PPP1R1C: variants seen among roughly 807,000 people sequenced by gnomAD.
PPP1R1C encodes protein phosphatase 1 regulatory inhibitor subunit 1C.
PPP1R1C carries 15 observed loss-of-function variants against 17.4 expected under a neutral mutation model. The ratio of observed to expected loss-of-function variants is 0.86; its 90% confidence interval spans 0.58 to 1.33. The LOEUF (loss-of-function observed/expected upper bound fraction) is 1.33, where lower values mean the gene tolerates loss of function less well. Ranked by LOEUF, PPP1R1C falls within the 40% of genes most tolerant of loss-of-function variation. PPP1R1C has a pLI of 0.00. For missense variants in PPP1R1C, 143 were observed against 130.0 expected, an observed-to-expected ratio of 1.10 and a Z score of -0.48; for synonymous variants, 35 against 43.1, an observed-to-expected ratio of 0.81 and a Z score of 0.73.
chr2:181,978,064 G>GA (rs1225462855), intron 2 of PPP1R1C, among the ~76,000 whole-genome samples: 2 of 152,198 alleles, frequency 1.3e-5, no homozygotes, highest in African/African-American at 2.4e-5. Context: ...GGAAGACAAA[G>GA]AAAGAACAAA....
At chr2:181,983,011 T>C (rs1186180104), upstream of PPP1R1C, among the ~76,000 whole-genome samples, 1 of 152,204 alleles carries the variant, frequency 6.6e-6, no homozygotes, top group African/African-American at 2.4e-5. Flanking sequence ...CTCCTTTCTA[T>C]ATTGATATCT....
At chr2:181,983,377 T>A, upstream of PPP1R1C, among the ~76,000 whole-genome samples, 1 of 152,186 alleles carries the variant, frequency 6.6e-6, no homozygotes, top group Non-Finnish European at 1.5e-5. Flanking sequence ...CCTCAAACAG[T>A]TGTCGGAATA....
At chr2:182,013,973 A>G (rs935199029) in intron 2 of PPP1R1C, among the ~76,000 whole-genome samples, 3 of 152,224 alleles carry the variant, frequency 2.0e-5, no homozygotes, top group African/African-American at 7.2e-5. Context: ...GCTTGCTCAA[A>G]ACAACTATTT....
intron 4 of PPP1R1C, among the ~76,000 whole-genome samples, chr2:182,099,277 G>T (rs1034083692): frequency 1.3e-5 from 2 of 152,196 alleles, no homozygotes; most frequent in African/African-American, 4.8e-5. Context: ...AAATTGAAAA[G>T]TGCTTTAGGA....
intron 2 of PPP1R1C, among the ~76,000 whole-genome samples, chr2:182,020,313 T>G (rs986700664): frequency 1.3e-5 from 2 of 152,210 alleles, no homozygotes; most frequent in African/African-American, 2.4e-5. Context: ...AGTAATATCT[T>G]AGATAAAATA....
At chr2:182,017,407 A>G (rs1434442876) in intron 2 of PPP1R1C, among the ~76,000 whole-genome samples, 1 of 152,072 alleles carries the variant, frequency 6.6e-6, no homozygotes, top group Non-Finnish European at 1.5e-5. Flanking sequence ...TCTAATTTTT[A>G]TATAACTTAC....
At position 181,962,422 on chromosome 2, in the gene PPP1R1C, G is replaced by C; in HGVS notation, n.111+7788G>C. 1.4e-6 allele frequency: 1 copy of C among 713,820 alleles called. No individual in the cohort carries two copies. The highest frequency in any genetic ancestry group is 2.6e-6 in the Non-Finnish European group (1 of 389,872). The allele number at this position is 713,820 out of a possible 1,614,324, so 44.2% of individuals were successfully genotyped here. A position where few individuals can be genotyped will look rare whatever the true frequency, so the allele number is the denominator to read the frequency against. Reference sequence around the variant, plus strand: ...GCCGGGCGCCGTAGTTGGACACCTGGACAGAGCCCAGGAACAGGTAGTTGG... The same window carrying C: ...GCCGGGCGCCGTAGTTGGACACCTGCACAGAGCCCAGGAACAGGTAGTTGG... On this transcript the variant is annotated intron_variant and non_coding_transcript_variant, in intron 1 of 5. Transcript: ENST00000464264. This position sits in a 1 kb window ranked among gnomAD's most constrained non-coding sequence, Gnocchi z 6.0.
At chr2:182,032,699 C>T (rs1686882461) in intron 2 of PPP1R1C, among the ~76,000 whole-genome samples, 2 of 152,070 alleles carry the variant, frequency 1.3e-5, no homozygotes, top group African/African-American at 2.4e-5. Flanking sequence ...TGTGAGCTGC[C>T]CTGGATTATA....
intron 1 of PPP1R1C, among the ~76,000 whole-genome samples, chr2:181,958,094 A>G (rs750339536): frequency 7.9e-5 from 12 of 152,188 alleles, no homozygotes; most frequent in Non-Finnish European, 1.5e-4. Context: ...ACTTTGATAT[A>G]AGAACATTTG....
At chr2:181,965,701 T>C (rs1357608696) in intron 1 of PPP1R1C, among the ~76,000 whole-genome samples, 1 of 152,216 alleles carries the variant, frequency 6.6e-6, no homozygotes, top group Non-Finnish European at 1.5e-5. Flanking sequence ...TTTTGGTTAC[T>C]ACAGCTTTAA....
intron 2 of PPP1R1C, among the ~76,000 whole-genome samples, chr2:181,979,616 G>T (rs1043247708): frequency 1.3e-5 from 2 of 152,178 alleles, no homozygotes; most frequent in African/African-American, 2.4e-5. Context: ...GCTAGGCTCA[G>T]TTGGGGGTAT....
chr2:182,024,744 A>G (rs1260305705), intron 2 of PPP1R1C, among the ~76,000 whole-genome samples: 1 of 151,956 alleles, frequency 6.6e-6, no homozygotes, highest in African/African-American at 2.4e-5. Context: ...AGTCCCAGCT[A>G]CTCAGGAGGT....
At chr2:181,997,135 A>G (rs1685635288) in intron 2 of PPP1R1C, among the ~76,000 whole-genome samples, 1 of 151,862 alleles carries the variant, frequency 6.6e-6, no homozygotes, top group Non-Finnish European at 1.5e-5. Context: ...AGGCTGAGGC[A>G]GGAGAAAGGC....
chr2:182,069,334 C>T (rs1171838642), intron 4 of PPP1R1C, among the ~76,000 whole-genome samples: 1 of 150,514 alleles, frequency 6.6e-6, no homozygotes, highest in Non-Finnish European at 1.5e-5. Flanking sequence ...CTCTGGTTCT[C>T]TTTAATTTCT....
chr2:182,106,178 G>A (rs1689244947), intron 4 of PPP1R1C, among the ~76,000 whole-genome samples: 1 of 152,166 alleles, frequency 6.6e-6, no homozygotes, highest in Non-Finnish European at 1.5e-5. Context: ...GGGTAGAGAA[G>A]GGCTGTGTCC....
intron 2 of PPP1R1C, among the ~76,000 whole-genome samples, chr2:182,028,842 AG>A (rs1365069132): frequency 9.0e-6 from 1 of 111,520 alleles, no homozygotes; most frequent in Non-Finnish European, 2.0e-5. Context: ...AATGTGTGGG[AG>A]TCTAAGTCTC....
intron 2 of PPP1R1C, chr2:182,023,740 C>G (rs1243822574): frequency 6.6e-6 from 1 of 152,112 alleles, no homozygotes; most frequent in African/African-American, 2.4e-5. Context: ...CTCACCTCAG[C>G]TTCTCACATA....
Position 181,962,365 on chromosome 2 carries a change from G to A in PPP1R1C, n.111+7731G>A. On this transcript the variant is annotated intron_variant and non_coding_transcript_variant, in intron 1 of 5. Coordinates refer to the PPP1R1C transcript ENST00000464264. This position sits in a 1 kb window ranked among gnomAD's most constrained non-coding sequence, Gnocchi z 6.0. ...ATATCCGGGAACCAGAGCCCCCGGC[G>A]CCTGCATAGACGCTGGCCATGCAGC... The A allele has an allele frequency of 2.2e-6, 2 of 920,320 alleles. No homozygotes were observed. Among genetic ancestry groups the A allele is most frequent in the Non-Finnish European group, 1.7e-6 (1 of 579,732 alleles). The allele number at this position is 920,320 out of a possible 1,614,324, so 57.0% of individuals were successfully genotyped here. A position where few individuals can be genotyped will look rare whatever the true frequency, so the allele number is the denominator to read the frequency against.
intron 2 of PPP1R1C, among the ~76,000 whole-genome samples, chr2:182,008,686 A>G (rs1474192477): frequency 6.6e-6 from 1 of 152,194 alleles, no homozygotes; most frequent in Non-Finnish European, 1.5e-5. Flanking sequence ...TATTCTCGTT[A>G]TACCATTTAA....
Sources: gnomAD v4.1 joint callset for allele counts (sites outside exome capture counted in the v4.1 genomes callset) on GRCh38, gnomAD v4.1.1 for gene constraint, Gnocchi (gnomAD v3.1) non-coding constraint, MANE v1.5 for transcripts, NCBI Gene and HGNC (gene_info 2026-07-23, HGNC 2026-07-21) for gene names.